The following CDKAL1 variants were observed in gnomAD, a reference collection of about 807,000 sequenced individuals.
CDKAL1 encodes the protein threonylcarbamoyladenosine tRNA methylthiotransferase.
A neutral mutation model predicts 68.2 loss-of-function variants in CDKAL1; 32 were observed. The observed-to-expected ratio is 0.47, with a 90% CI of 0.35 to 0.63. CDKAL1 has a LOEUF of 0.63. Among genes scored for constraint, CDKAL1 ranks in the 30% least tolerant of loss-of-function variants. The pLI, the probability that CDKAL1 is intolerant of heterozygous loss-of-function variation, is 0.00. For missense variants in CDKAL1, 606 were observed against 696.7 expected, an observed-to-expected ratio of 0.87 and a Z score of 1.47; for synonymous variants, 234 against 244.3, an observed-to-expected ratio of 0.96 and a Z score of 0.39.
chr6:20,803,811 G>A (rs919346192), intron 8 of CDKAL1, among the ~76,000 whole-genome samples: 2 of 152,116 alleles, frequency 1.3e-5, no homozygotes, highest in African/African-American at 4.8e-5. Context: ...TAGCTACTGG[G>A]AAAAGAGAGA....
chr6:21,153,469 T>C (rs1037356630), intron 13 of CDKAL1, among the ~76,000 whole-genome samples: 2 of 152,180 alleles, frequency 1.3e-5, no homozygotes, highest in East Asian at 1.9e-4. Context: ...TTAATCATAA[T>C]GTAGGCTGTA....
chr6:21,142,997 T>G (rs1023032750), intron 13 of CDKAL1, among the ~76,000 whole-genome samples: 7 of 152,204 alleles, frequency 4.6e-5, no homozygotes, highest in Admixed American at 4.6e-4. Context: ...CTGCTTTGTT[T>G]GGAATAGAAG....
intron 11 of CDKAL1, among the ~76,000 whole-genome samples, chr6:21,003,365 T>C (rs1418149856): frequency 2.4e-4 from 15 of 62,368 alleles, no homozygotes; most frequent in African/African-American, 1.5e-3. Context: ...TATATATATA[T>C]ATATATACAC....
chr6:21,079,072 G>A (rs7749838), intron 12 of CDKAL1, among the ~76,000 whole-genome samples: 74,158 of 151,918 alleles, frequency 0.49, 18,549 homozygotes, highest in Middle Eastern at 0.59. Context: ...TTACAGGGGC[G>A]GCGTGGGACA....
chr6:20,907,650 A>G (rs4413596), intron 9 of CDKAL1, among the ~76,000 whole-genome samples: 140,242 of 152,182 alleles, frequency 0.92, 64,894 homozygotes, highest in East Asian at 1. Flanking sequence ...CTAAGGGTTT[A>G]TTACAGGAAT....
intron 12 of CDKAL1, among the ~76,000 whole-genome samples, chr6:21,084,939 C>A (rs1772613739): frequency 6.6e-6 from 1 of 152,134 alleles, no homozygotes; most frequent in African/African-American, 2.4e-5. Context: ...CTAGGTTAAC[C>A]CAGAACTAGT....
intron 2 of CDKAL1, among the ~76,000 whole-genome samples, chr6:20,540,129 A>G (rs1272459292): frequency 7.1e-6 from 1 of 141,656 alleles, no homozygotes; most frequent in African/African-American, 2.8e-5. Flanking sequence ...GCTGGAGTGC[A>G]GTGGTGAGAT....
At chr6:20,593,491 G>A (rs1423122881) in intron 4 of CDKAL1, among the ~76,000 whole-genome samples, 2 of 151,618 alleles carry the variant, frequency 1.3e-5, no homozygotes, top group African/African-American at 4.8e-5. Context: ...ATGATAGTTT[G>A]TATTTCTGGG....
chr6:20,628,705 G>C (rs1241825581), intron 4 of CDKAL1, among the ~76,000 whole-genome samples: 1 of 151,866 alleles, frequency 6.6e-6, no homozygotes, highest in Non-Finnish European at 1.5e-5. Flanking sequence ...CATGTTGTAT[G>C]TTTTATAGTG....
intron 11 of CDKAL1, among the ~76,000 whole-genome samples, chr6:21,003,238 G>A (rs1767522987): frequency 6.7e-6 from 1 of 149,904 alleles, no homozygotes; most frequent in African/African-American, 2.5e-5. Context: ...AGGCACAGTG[G>A]CTCACACCTC....
At chr6:21,075,401 C>T (rs1220801364) in intron 12 of CDKAL1, among the ~76,000 whole-genome samples, 1 of 151,752 alleles carries the variant, frequency 6.6e-6, no homozygotes, top group Non-Finnish European at 1.5e-5. Context: ...TTATTTAAAT[C>T]CCAAATGGAT....
chr6:20,998,074 A>G (rs1461999563), intron 10 of CDKAL1, among the ~76,000 whole-genome samples: 1 of 152,052 alleles, frequency 6.6e-6, no homozygotes, highest in Non-Finnish European at 1.5e-5. Flanking sequence ...CGCAAAGTGT[A>G]TTACATGTCA....
intron 9 of CDKAL1, among the ~76,000 whole-genome samples, chr6:20,864,257 A>T (rs191599953): frequency 1.1e-3 from 3 of 2,794 alleles, no homozygotes; most frequent in Non-Finnish European, 2.3e-3. Context: ...TACTTAACTT[A>T]AAATGCAACT....
intron 9 of CDKAL1, among the ~76,000 whole-genome samples, chr6:20,944,271 T>C (rs1764125927): frequency 6.6e-6 from 1 of 152,204 alleles, no homozygotes; most frequent in South Asian, 2.1e-4. Context: ...TCATATATTG[T>C]GTCAATTTTT....
intron 9 of CDKAL1, among the ~76,000 whole-genome samples, chr6:20,918,034 C>G (rs958287017): frequency 1.3e-5 from 2 of 152,074 alleles, no homozygotes; most frequent in Non-Finnish European, 2.9e-5. Flanking sequence ...TTGTTTTAGC[C>G]TGGGAGGTGG....
chr6:20,944,905 C>G (rs1409909622), intron 9 of CDKAL1, among the ~76,000 whole-genome samples: 3 of 152,168 alleles, frequency 2.0e-5, no homozygotes, highest in African/African-American at 7.2e-5. Context: ...TTATTAAATT[C>G]TTGCTAACTG....
At chr6:21,147,370 C>G (rs763367432) in intron 13 of CDKAL1, among the ~76,000 whole-genome samples, 3 of 152,180 alleles carry the variant, frequency 2.0e-5, no homozygotes. Flanking sequence ...GAGTAACTAA[C>G]TTCCTTATGA....
At position 20,919,243 on chromosome 6, in the gene CDKAL1, A is replaced by G. The variant is rs1561884553; in HGVS notation, c.743-36176A>G. 2.0e-5 allele frequency among the ~76,000 whole-genome samples: 3 copies of G among 152,350 alleles called. No individual in the cohort carries two copies. In the South Asian group the frequency reaches 6.2e-4, roughly 32 times the overall value. On this transcript the variant is annotated intron_variant, in intron 9 of 15. Transcript: ENST00000274695. ...GGCACTAGGCACTACAGAACACTGT[A>G]GACTTTTCTTCATTATTCACAGTAG...
intron 10 of CDKAL1, among the ~76,000 whole-genome samples, chr6:20,999,663 T>TAAAAA (rs36078234): frequency 4.5e-4 from 42 of 93,356 alleles, no homozygotes; most frequent in Middle Eastern, 6.4e-3. Context: ...TGACTGAAAT[T>TAAAAA]AAAAAAAAAA....
Sources: gnomAD v4.1 joint callset for allele counts (sites outside exome capture counted in the v4.1 genomes callset) on GRCh38, gnomAD v4.1.1 for gene constraint, MANE v1.5 for transcripts, NCBI Gene and HGNC (gene_info 2026-07-23, HGNC 2026-07-21) for gene names.